STK32B: variants seen among roughly 807,000 people sequenced by gnomAD.
STK32B encodes the protein serine/threonine kinase 32B.
In STK32B, 43 loss-of-function variants were observed where a neutral mutation model predicts 52.6. The observed-to-expected ratio is 0.82, with a 90% confidence interval of 0.64 to 1.05. The LOEUF (loss-of-function observed/expected upper bound fraction) is 1.05, where lower values mean the gene tolerates loss of function less well. STK32B is among the 50% of genes least tolerant of loss of function. STK32B has a pLI of 0.00. For missense variants in STK32B, 621 were observed against 534.6 expected (o/e 1.16, Z -1.59); for synonymous variants, 238 against 204.3 (o/e 1.17, Z -1.41).
intron 2 of STK32B, among the ~76,000 whole-genome samples, chr4:5,163,930 C>T (rs997271153): frequency 7.9e-5 from 12 of 152,216 alleles, no homozygotes; most frequent in Admixed American, 3.9e-4. Flanking sequence ...GTGTTTCCTG[C>T]TCCTCCGCAT....
At chr4:5,094,953 C>T (rs1480114240) in intron 1 of STK32B, among the ~76,000 whole-genome samples, 2 of 152,206 alleles carry the variant, frequency 1.3e-5, no homozygotes, top group Non-Finnish European at 2.9e-5. Flanking sequence ...CTACTAGCTG[C>T]CAGGCCCTGC....
At chr4:5,079,934 G>T (rs994097543) in intron 1 of STK32B, among the ~76,000 whole-genome samples, 1 of 152,160 alleles carries the variant, frequency 6.6e-6, no homozygotes, top group Non-Finnish European at 1.5e-5. Flanking sequence ...AAAGCAGACA[G>T]TAGGATGGTA....
intron 1 of STK32B, among the ~76,000 whole-genome samples, chr4:5,071,456 T>C (rs1711772604): frequency 6.6e-6 from 1 of 152,158 alleles, no homozygotes; most frequent in South Asian, 2.1e-4. Context: ...TCAGACTCAA[T>C]ATAATTGTGC....
intron 3 of STK32B, among the ~76,000 whole-genome samples, chr4:5,277,860 C>T (rs2108866339): frequency 6.6e-6 from 1 of 152,154 alleles, no homozygotes; most frequent in East Asian, 1.9e-4. Context: ...TTTGACCATC[C>T]ATAAGAATAT....
chr4:5,442,953 A>C (rs1027504441), intron 6 of STK32B, among the ~76,000 whole-genome samples: 2 of 151,900 alleles, frequency 1.3e-5, no homozygotes, highest in Admixed American at 1.3e-4. Flanking sequence ...TCTGGCTTGT[A>C]GGGTGTCTGC....
chr4:5,218,320 T>G (rs1057103711), intron 3 of STK32B, among the ~76,000 whole-genome samples: 1 of 152,204 alleles, frequency 6.6e-6, no homozygotes, highest in Non-Finnish European at 1.5e-5. Context: ...GAAGATGGAT[T>G]GAGATATGAA....
At chr4:5,023,463 C>T in the STK32B span, among the ~76,000 whole-genome samples, 2 of 152,206 alleles carry the variant, frequency 1.3e-5, no homozygotes, top group Non-Finnish European at 2.9e-5. Flanking sequence ...CTTACAACTT[C>T]CTTCCAGTCT....
chr4:5,088,831 A>T (rs1388046456), intron 1 of STK32B, among the ~76,000 whole-genome samples: 1 of 151,976 alleles, frequency 6.6e-6, no homozygotes, highest in African/African-American at 2.4e-5. Flanking sequence ...GAATGTTTAC[A>T]TTAAAAAGAC....
intron 3 of STK32B, among the ~76,000 whole-genome samples, chr4:5,274,298 G>A (rs931282735): frequency 6.6e-6 from 1 of 152,132 alleles, no homozygotes; most frequent in African/African-American, 2.4e-5. Flanking sequence ...TAGATCAATA[G>A]AACAGAATTT....
intron 7 of STK32B, among the ~76,000 whole-genome samples, chr4:5,452,767 T>A (rs1716121475): frequency 6.6e-6 from 1 of 152,148 alleles, no homozygotes; most frequent in Non-Finnish European, 1.5e-5. Flanking sequence ...TATTTTTTGG[T>A]AAATTGGCAA....
intron 4 of STK32B, among the ~76,000 whole-genome samples, chr4:5,332,500 TTTA>T (rs749351009): frequency 5.9e-5 from 9 of 152,212 alleles, no homozygotes; most frequent in Non-Finnish European, 8.8e-5. Context: ...TTTGTTTTAT[TTTA>T]TTATTATTAT....
the STK32B span, among the ~76,000 whole-genome samples, chr4:5,019,934 T>C: frequency 6.6e-6 from 1 of 152,088 alleles, no homozygotes; most frequent in African/African-American, 2.4e-5. Flanking sequence ...CAGCCCGCAG[T>C]GGAGCAGGGA....
chr4:5,216,372 C>T (rs1723184314), intron 3 of STK32B, among the ~76,000 whole-genome samples: 1 of 152,136 alleles, frequency 6.6e-6, no homozygotes, highest in African/African-American at 2.4e-5. Flanking sequence ...TGCTTACCCT[C>T]ATGGAGCGTA....
chr4:5,468,909 G>A (rs747032056), intron 11 of STK32B, among the ~76,000 whole-genome samples: 8 of 152,136 alleles, frequency 5.3e-5, no homozygotes, highest in Non-Finnish European at 1.2e-4. Context: ...AGTTAGCTGT[G>A]CGCAGTGGCG....
chr4:5,484,410 C>T (rs945709316), intron 11 of STK32B, among the ~76,000 whole-genome samples: 2 of 152,050 alleles, frequency 1.3e-5, no homozygotes, highest in Non-Finnish European at 2.9e-5. Context: ...AGGATTGCAA[C>T]CTCTGCCTTT....
chr4:5,146,675 C>G (rs1716941908), intron 2 of STK32B, among the ~76,000 whole-genome samples: 1 of 152,158 alleles, frequency 6.6e-6, no homozygotes, highest in Non-Finnish European at 1.5e-5. Context: ...TCCAGTCAAG[C>G]TGACATTTAA....
intron 4 of STK32B, among the ~76,000 whole-genome samples, chr4:5,343,772 AG>A (rs1247852632): frequency 1.3e-5 from 2 of 152,224 alleles, no homozygotes; most frequent in Non-Finnish European, 2.9e-5. Flanking sequence ...CTATCATTAG[AG>A]TGAATAGGCA....
chr4:5,142,927 C>A (rs987177924), intron 2 of STK32B, among the ~76,000 whole-genome samples: 6 of 152,148 alleles, frequency 3.9e-5, no homozygotes, highest in Non-Finnish European at 7.3e-5. Context: ...AGGCTGACTT[C>A]CCTGATGAAG....
intron 11 of STK32B, among the ~76,000 whole-genome samples, chr4:5,473,521 C>T (rs1170677220): frequency 1.3e-5 from 2 of 152,150 alleles, no homozygotes; most frequent in African/African-American, 4.8e-5. Flanking sequence ...GGATTAAGGG[C>T]ACACAGCCAA....
Sources: allele counts gnomAD v4.1 joint callset (sites outside exome capture counted in the v4.1 genomes callset), GRCh38; gene constraint gnomAD v4.1.1; transcripts MANE v1.5; gene names NCBI Gene and HGNC (gene_info 2026-07-23, HGNC 2026-07-21).